The following YIPF6 variants were observed in gnomAD, a reference collection of about 807,000 sequenced individuals.
The protein encoded by YIPF6 is Yip1 domain family member 6.
In YIPF6, 3 loss-of-function variants were observed where a neutral mutation model predicts 16.8. That is an observed-to-expected ratio of 0.18 (90% CI 0.08 to 0.46). YIPF6 has a LOEUF of 0.46. Ranked by LOEUF, YIPF6 falls within the 20% of genes least tolerant of loss-of-function variation. The probability of loss-of-function intolerance (pLI) is 0.98; values close to 1 mark genes in which losing one functional copy is unlikely to be tolerated. For missense variants in YIPF6, 145 were observed against 184.9 expected (o/e 0.78, Z 1.25); for synonymous variants, 67 against 61.9 (o/e 1.08, Z -0.38).
Position 68,511,837 on chromosome X carries a change from G to A in YIPF6, c.58-12G>A. 1 of 1,191,760 alleles carries A rather than the reference G, an allele frequency of 8.4e-7. No homozygotes were observed. The highest frequency in any genetic ancestry group is 1.1e-6 in the Non-Finnish European group (1 of 888,394). The stretch of plus-strand genomic sequence containing the variant: ...ATTACAGGCTTACTTTTTTTCCCCT[G>A]ACTCTTCTCAGTTTGCAGGCCTTTC... On this transcript the variant is annotated splice_polypyrimidine_tract_variant and intron_variant, in intron 1 of 6. Coordinates refer to ENST00000462683, the MANE Select transcript of YIPF6 (RefSeq NM_173834.4).
At chrX:68,511,028 C>G (rs1168182188) in intron 1 of YIPF6, among the ~76,000 whole-genome samples, 1 of 112,876 alleles carries the variant, frequency 8.9e-6, no homozygotes, top group Non-Finnish European at 1.9e-5. Context: ...AAAAATTGTG[C>G]CTACTGGGCC....
rs2079187286 is a variant in YIPF6 at position 68,535,289 on chromosome X, G to A, written c.*3290G>A. 8.9e-6 allele frequency: 1 copy of A among 112,363 alleles called. No individual in the cohort carries two copies. Among genetic ancestry groups the A allele is most frequent in the African/African-American group, 3.2e-5 (1 of 30,959 alleles). The allele number at this position is 112,363 out of a possible 1,213,427, so 9.3% of individuals were successfully genotyped here. A position where few individuals can be genotyped will look rare whatever the true frequency, so the allele number is the denominator to read the frequency against. On this transcript the variant is annotated 3_prime_UTR_variant, in exon 7 of 7. Transcript: ENST00000462683. Reference sequence around the variant, plus strand: ...ATGTGATTAGAAGGCTACCAAGCCTGTATTTGGACATTTAATTGTGTGCTT... The same window carrying A: ...ATGTGATTAGAAGGCTACCAAGCCTATATTTGGACATTTAATTGTGTGCTT...
chrX:68,499,231 C>T, intron 1 of YIPF6, 108 bp downstream of exon 1: 1 of 1,014,002 alleles, frequency 9.9e-7, no homozygotes, highest in Non-Finnish European at 1.3e-6. Flanking sequence ...TTCCGCCCGG[C>T]AGGCCCTTCT....
intron 6 of YIPF6, among the ~76,000 whole-genome samples, chrX:68,526,983 C>T (rs769469567): frequency 1.1e-4 from 12 of 111,623 alleles, no homozygotes; most frequent in Non-Finnish European, 2.3e-4. Flanking sequence ...ATGATGCTGG[C>T]CTCACGAAAT....
intron 1 of YIPF6, among the ~76,000 whole-genome samples, chrX:68,508,618 G>T (rs1463125871): frequency 1.8e-5 from 2 of 111,888 alleles, no homozygotes; most frequent in African/African-American, 6.5e-5. Flanking sequence ...GCTGGCAAAG[G>T]CATTCTTTAT....
At chrX:68,504,054 A>T (rs2079051023) in intron 1 of YIPF6, among the ~76,000 whole-genome samples, 1 of 112,259 alleles carries the variant, frequency 8.9e-6, no homozygotes, top group South Asian at 3.7e-4. Flanking sequence ...AGAATGACTC[A>T]TAGGACTCAG....
intron 1 of YIPF6, among the ~76,000 whole-genome samples, chrX:68,500,482 A>C (rs1350898590): frequency 9.1e-6 from 1 of 109,978 alleles, no homozygotes; most frequent in Non-Finnish European, 1.9e-5. Flanking sequence ...CGTCCAGCTA[A>C]TTTTTGTATT....
At chrX:68,509,545 A>G (rs1462449300) in intron 1 of YIPF6, among the ~76,000 whole-genome samples, 1 of 111,091 alleles carries the variant, frequency 9.0e-6, no homozygotes, top group African/African-American at 3.3e-5. Context: ...ATTACTCCAT[A>G]CTTGCTAGCC....
At chrX:68,520,224 A>G (rs1400099782) in intron 4 of YIPF6, among the ~76,000 whole-genome samples, 2 of 112,640 alleles carry the variant, frequency 1.8e-5, no homozygotes, top group Non-Finnish European at 3.7e-5. Context: ...AAAGACTTAC[A>G]GTGTGACTTC....
At position 68,520,710 on chromosome X, in the gene YIPF6, G is replaced by A. The variant is rs776220196; in HGVS notation, c.309-662G>A. On this transcript the variant is annotated intron_variant, in intron 4 of 6. Coordinates refer to ENST00000462683, the MANE Select transcript of YIPF6 (RefSeq NM_173834.4). ...TGGTATCGAACTCCTGGCCTCAAGCGATCTGCCTGTCGTGGCCTCCCAAAG... is the reference window on the plus strand; with the variant it reads ...TGGTATCGAACTCCTGGCCTCAAGCAATCTGCCTGTCGTGGCCTCCCAAAG... 7.2e-5 allele frequency among the ~76,000 whole-genome samples: 8 copies of A among 111,615 alleles called. No homozygotes were observed. The East Asian group carries it at 2.0e-3, about 27-fold the overall frequency.
chrX:68,526,236 T>C (rs1258209742), intron 6 of YIPF6, among the ~76,000 whole-genome samples: 1 of 111,562 alleles, frequency 9.0e-6, no homozygotes, highest in African/African-American at 3.3e-5. Context: ...TATTTTATTC[T>C]CTTTGTAGCA....
intron 6 of YIPF6, among the ~76,000 whole-genome samples, chrX:68,528,816 C>T (rs2079159614): frequency 8.9e-6 from 1 of 111,753 alleles, no homozygotes; most frequent in African/African-American, 3.2e-5. Flanking sequence ...GGCCCCCACT[C>T]TCTTCTTGTA....
chrX:68,526,652 A>G (rs779162592), intron 6 of YIPF6, among the ~76,000 whole-genome samples: 51 of 111,846 alleles, frequency 4.6e-4, no homozygotes, highest in Non-Finnish European at 8.6e-4. Flanking sequence ...CGTTCCATCA[A>G]TACCTAGTTT....
In YIPF6 at chrX:68,511,925, G is replaced by T; in HGVS notation, c.134G>T (p.Arg45Leu). ...EGEITIPMRS[R>L]IREFDSSTLN... ...GAAATCACCATTCCTATGAGATCTC[G>T]CATCCGGGAGTTTGACAGCTCCACA... The change falls in exon 2 of 7, where the codon CGC becomes CTC. Residue 45 changes from arginine to leucine, a missense_variant. By Grantham distance (102) the Arg-to-Leu change is moderately radical. Transcript: ENST00000462683. 8.3e-7 allele frequency: 1 copy of T among 1,209,641 alleles called. No individual in the cohort carries two copies. The highest frequency in any genetic ancestry group is 1.1e-6 in the Non-Finnish European group (1 of 894,788).
At chrX:68,506,709 A>C (rs1009551178) in intron 1 of YIPF6, among the ~76,000 whole-genome samples, 3 of 111,258 alleles carry the variant, frequency 2.7e-5, no homozygotes, top group Non-Finnish European at 5.7e-5. Flanking sequence ...CTAAAAAAAA[A>C]CAATAAATAA....
intron 1 of YIPF6, among the ~76,000 whole-genome samples, chrX:68,505,359 G>A (rs184666590): frequency 4.8e-3 from 494 of 103,998 alleles, no homozygotes; most frequent in Middle Eastern, 9.9e-3. Flanking sequence ...GCAGTGAGCC[G>A]AGATCACGCC....
chrX:68,517,526 C>T (rs1046482176), intron 3 of YIPF6, among the ~76,000 whole-genome samples: 1 of 112,426 alleles, frequency 8.9e-6, no homozygotes, highest in African/African-American at 3.2e-5. Flanking sequence ...TTTCAGAAAG[C>T]TTTCATATGT....
chrX:68,516,422 AT>A (rs1353362116), intron 3 of YIPF6, among the ~76,000 whole-genome samples: 1 of 111,384 alleles, frequency 9.0e-6, no homozygotes, highest in Non-Finnish European at 1.9e-5. Flanking sequence ...GGTGATAGGA[AT>A]TTTTCAGCTC....
intron 3 of YIPF6, chrX:68,514,239 A>AAATAT (rs1555998141): frequency 2.1e-5 from 2 of 94,710 alleles, no homozygotes; most frequent in African/African-American, 7.6e-5. Context: ...AAAAAAAAAA[A>AAATAT]ATATATATAT....
Sources: gnomAD v4.1 joint callset for allele counts (sites outside exome capture counted in the v4.1 genomes callset) on GRCh38, gnomAD v4.1.1 for gene constraint, MANE v1.5 for transcripts, NCBI Gene and HGNC (gene_info 2026-07-23, HGNC 2026-07-21) for gene names.